The following IHO1 variants were observed in gnomAD, a reference collection of about 807,000 sequenced individuals.
IHO1 encodes interactor of HORMAD1 1.
Under a neutral mutation model 31.0 loss-of-function variants are expected in IHO1, and 13 were observed. The observed-to-expected ratio is 0.42, with a 90% confidence interval of 0.27 to 0.67. IHO1 has a LOEUF of 0.67. IHO1 is among the 30% of genes least tolerant of loss of function. The pLI is 0.24. For missense variants in IHO1, 599 were observed against 687.5 expected (o/e 0.87, Z 1.44); for synonymous variants, 221 against 248.4 (o/e 0.89, Z 1.04).
chr3:49,216,647 A>G (rs1048800733), intron 2 of IHO1, among the ~76,000 whole-genome samples: 3 of 152,208 alleles, frequency 2.0e-5, no homozygotes, highest in African/African-American at 4.8e-5. Context: ...GACAAATGGG[A>G]TCTAACTAAA....
intron 1 of IHO1, among the ~76,000 whole-genome samples, chr3:49,201,016 C>T (rs1293396699): frequency 5.3e-5 from 7 of 133,160 alleles, no homozygotes; most frequent in South Asian, 2.6e-4. Flanking sequence ...TTTTTTGAGA[C>T]GGAGTCTCGC....
chr3:49,196,702 GCT>G (rs1169689369), upstream of IHO1, among the ~76,000 whole-genome samples: 2 of 143,100 alleles, frequency 1.4e-5, no homozygotes, highest in Non-Finnish European at 3.1e-5. Flanking sequence ...ACCGAGTCTC[GCT>G]CTGTCACCCA....
chr3:49,229,437 C>T (rs910161139), intron 2 of IHO1, among the ~76,000 whole-genome samples: 2 of 152,190 alleles, frequency 1.3e-5, no homozygotes, highest in Non-Finnish European at 2.9e-5. Flanking sequence ...TGGGGAAATT[C>T]AAATTGTTAT....
At chr3:49,193,465 GAGGCGGGCGGATCACA>G (rs377454386), upstream of IHO1, among the ~76,000 whole-genome samples, 18 of 151,414 alleles carry the variant, frequency 1.2e-4, no homozygotes, top group East Asian at 2.5e-3. Context: ...TTGGGAGGCT[GAGGCGGGCGGATCACA>G]AGGTCAAGAG....
chr3:49,228,483 G>A (rs1203368627), intron 2 of IHO1: 6 of 331,146 alleles, frequency 1.8e-5, no homozygotes, highest in African/African-American at 6.5e-5. Context: ...AATAGCAAGC[G>A]AAAGGGGTCT....
intron 4 of IHO1, among the ~76,000 whole-genome samples, chr3:49,242,519 G>A (rs1575584166): frequency 6.6e-6 from 1 of 152,084 alleles, no homozygotes; most frequent in Admixed American, 6.6e-5. Flanking sequence ...AAAAACTAGA[G>A]GATTTCTAAG....
chr3:49,257,208 C>G lies in IHO1; in HGVS notation c.1711C>G (p.Pro571Ala). The G allele has an allele frequency of 1.2e-6, 2 of 1,614,136 alleles. No individual in the cohort carries two copies. The highest frequency in any genetic ancestry group is 1.7e-6 in the Non-Finnish European group (2 of 1,180,000). ...SDLNLGCSET[P>A]LCKEAGKNLL... ...CCTCAATCTCGGATGTTCAGAGACCCCTCTATGCAAGGAGGCAGGAAAGAA... is the reference window on the plus strand; with the variant it reads ...CCTCAATCTCGGATGTTCAGAGACCGCTCTATGCAAGGAGGCAGGAAAGAA... The change falls in exon 8 of 8, where the codon CCT (proline) becomes GCT (alanine). Residue 571 changes from proline (P) to alanine (A), a missense_variant. Physicochemically the swap from Pro to Ala is conservative, Grantham distance 27. Coordinates refer to ENST00000452691, the MANE Select transcript of IHO1 (RefSeq NM_001135197.2).
At chr3:49,216,707 C>T (rs888591986) in intron 2 of IHO1, among the ~76,000 whole-genome samples, 3 of 151,852 alleles carry the variant, frequency 2.0e-5, no homozygotes, top group African/African-American at 7.3e-5. Flanking sequence ...TGAACAGGCA[C>T]CCTACGGAAT....
At position 49,236,711 on chromosome 3, in the gene IHO1, A is replaced by G; in HGVS notation, c.220A>G (p.Asn74Asp). Residue 74 changes from asparagine to aspartate, a missense_variant, in exon 3 of 8, where the codon AAC (asparagine) becomes GAC (aspartate). Transcript: ENST00000452691. ...HLRHSKQSQQNYLEGEPSIFT... is the reference protein window; with the variant it reads ...HLRHSKQSQQDYLEGEPSIFT... ...GAGACATTCAAAACAGTCACAACAGAACTATCTGGAGGTGAGTCTGGTTTC... is the reference window on the plus strand; with the variant it reads ...GAGACATTCAAAACAGTCACAACAGGACTATCTGGAGGTGAGTCTGGTTTC... 2 of 1,612,804 alleles carry G rather than the reference A, an allele frequency of 1.2e-6. No individual in the cohort carries two copies. Among genetic ancestry groups the G allele is most frequent in the Non-Finnish European group, 8.5e-7 (1 of 1,179,630 alleles).
At chr3:49,225,563 C>T (rs774101475) in intron 2 of IHO1, among the ~76,000 whole-genome samples, 15 of 152,182 alleles carry the variant, frequency 9.9e-5, no homozygotes, top group East Asian at 1.9e-4. Context: ...TTCCCTCCAC[C>T]GGTAGGGGAC....
chr3:49,244,344 T>C lies in IHO1; in HGVS notation c.396-60T>C, dbSNP rs929852787. 3.0e-6 allele frequency: 3 copies of C among 1,003,124 alleles called. No homozygotes were observed. The Admixed American group carries it at 5.4e-5, about 18-fold the overall frequency. 62.1% of individuals were successfully genotyped at this position (1,003,124 alleles called of 1,614,324 possible). A position where few individuals can be genotyped will look rare whatever the true frequency, so the allele number is the denominator to read the frequency against. On this transcript the variant is annotated intron_variant, in intron 4 of 7. Coordinates refer to ENST00000452691, the MANE Select transcript of IHO1 (RefSeq NM_001135197.2). ...TCTGCCATATTTATGGAATCATTTA[T>C]GTTACTTATCACTTCAATATTTCAT...
rs2046834500 is a variant in IHO1, at chr3:49,256,998, C to T, written c.1501C>T (p.His501Tyr). The change falls in exon 8 of 8, where the codon CAT (histidine) becomes TAT (tyrosine). Residue 501 changes from histidine (H) to tyrosine (Y), a missense_variant. His to Tyr is a moderately conservative substitution (Grantham distance 83). Coordinates refer to ENST00000452691, the MANE Select transcript of IHO1 (RefSeq NM_001135197.2). This position sits in a 1 kb window ranked among gnomAD's most constrained non-coding sequence, Gnocchi z 4.6. ...GCAGGAACCCCGTGCTCAGCCTCTG[C>T]ATCTGCAGTGTCCCAGGAGCCCCAG... ...GQQEPRAQPL[H>Y]LQCPRSPRKP... The T allele has an allele frequency of 1.2e-6, 2 of 1,614,110 alleles. No homozygotes were observed. The highest frequency in any genetic ancestry group is 2.2e-5 in the South Asian group (2 of 91,090).
intron 1 of IHO1, chr3:49,199,814 A>T (rs566684453): frequency 6.6e-6 from 1 of 152,350 alleles, no homozygotes; most frequent in East Asian, 1.9e-4. Context: ...TCCGATTCGC[A>T]GGGGTCCGCG....
At chr3:49,232,437 A>G (rs1359496601) in intron 2 of IHO1, among the ~76,000 whole-genome samples, 1 of 152,238 alleles carries the variant, frequency 6.6e-6, no homozygotes, top group South Asian at 2.1e-4. Flanking sequence ...TTTGGTGGAG[A>G]GATCTGATAA....
Position 49,200,562 on chromosome 3 carries a change from G to A in IHO1, c.-16+989G>A. 2 of 984,342 alleles carry A rather than the reference G, an allele frequency of 2.0e-6. 1 individual carries two copies. Among genetic ancestry groups the A allele is most frequent in the Admixed American group, 1.2e-4 (2 of 16,212 alleles). The allele number at this position is 984,342 out of a possible 1,614,324, so 61.0% of individuals were successfully genotyped here. A position where few individuals can be genotyped will look rare whatever the true frequency, so the allele number is the denominator to read the frequency against. Reference sequence around the variant, plus strand: ...GTAGAGTTGACGACGGTGGTCAGATGAGGTAGTCCATGCCAATCGGGGCGG... The same window carrying A: ...GTAGAGTTGACGACGGTGGTCAGATAAGGTAGTCCATGCCAATCGGGGCGG... On this transcript the variant is annotated intron_variant, in intron 1 of 7. Coordinates refer to ENST00000452691, the MANE Select transcript of IHO1 (RefSeq NM_001135197.2).
chr3:49,256,884 C>T lies in IHO1; in HGVS notation c.1387C>T (p.Gln463Ter). The T allele has an allele frequency of 6.2e-7, 1 of 1,614,228 alleles. No homozygotes were observed. The highest frequency in any genetic ancestry group is 8.5e-7 in the Non-Finnish European group (1 of 1,180,044). The change falls in exon 8 of 8, where the codon CAA (glutamine) becomes TAA (stop). Residue 463 changes from glutamine (Q) to a stop codon, truncating the protein, a stop_gained. Transcript: ENST00000452691. LOFTEE classifies it low-confidence loss of function (END_TRUNC). This position sits in a 1 kb window ranked among gnomAD's most constrained non-coding sequence, Gnocchi z 4.6. ...CAGGCTCATAGCCAGCAAGCAAAAA[C>T]AAATCCCAATCCAGACCTGTAAATT... ...RGRLIASKQK[Q>*]IPIQTCKFNS...
At chr3:49,214,876 G>T (rs1450303703) in intron 2 of IHO1, among the ~76,000 whole-genome samples, 1 of 151,342 alleles carries the variant, frequency 6.6e-6, no homozygotes, top group Non-Finnish European at 1.5e-5. Context: ...CTGACCTCAG[G>T]TGATCTGCCC....
At position 49,257,333 on chromosome 3, in the gene IHO1, C is replaced by T. The variant is rs376230854; in HGVS notation, c.*51C>T. 220 of 1,548,138 alleles carry T rather than the reference C, an allele frequency of 1.4e-4. No individual in the cohort carries two copies. Among genetic ancestry groups the T allele is most frequent in the Non-Finnish European group, 1.7e-4 (193 of 1,137,386 alleles). On this transcript the variant is annotated 3_prime_UTR_variant, in exon 8 of 8. Transcript: ENST00000452691. ...TCAGCTAGAAAGAGAAATTGCAGGA[C>T]ATTTGGGCTGGCCAACAGCAGAAAG...
intron 2 of IHO1, among the ~76,000 whole-genome samples, chr3:49,234,162 G>GTTTTTTTTTTTTTTTTTTTTTTTTT: frequency 1.1e-5 from 1 of 91,916 alleles, no homozygotes; most frequent in Non-Finnish European, 1.9e-5. Flanking sequence ...TTTTGTTGTT[G>GTTTTTTTTTTTTTTTTTTTTTTTTT]TTTTTTTTTT....
Sources: allele counts gnomAD v4.1 joint callset (sites outside exome capture counted in the v4.1 genomes callset), GRCh38; gene constraint gnomAD v4.1.1; non-coding constraint Gnocchi (gnomAD v3.1); transcripts MANE v1.5; gene names NCBI Gene and HGNC (gene_info 2026-07-23, HGNC 2026-07-21).